The following CSNK2A2IP variants were observed in gnomAD, a reference collection of about 807,000 sequenced individuals.
The protein encoded by CSNK2A2IP is casein kinase II subunit alpha'-interacting protein.
chr3:88,351,042 C>T, the CSNK2A2IP span, among the ~76,000 whole-genome samples: 3 of 152,282 alleles, frequency 2.0e-5, no homozygotes, highest in Non-Finnish European at 4.4e-5. Context: ...GGATTCTCAT[C>T]TGAGGACTAA....
chr3:88,370,031 A>G, the CSNK2A2IP span, among the ~76,000 whole-genome samples: 1 of 151,898 alleles, frequency 6.6e-6, no homozygotes, highest in African/African-American at 2.4e-5. Flanking sequence ...CAGCTTCTTC[A>G]CACCATGGGG....
the CSNK2A2IP span, among the ~76,000 whole-genome samples, chr3:88,459,717 C>T: frequency 9.0e-4 from 137 of 152,144 alleles, no homozygotes; most frequent in African/African-American, 3.2e-3. Flanking sequence ...CATTAAGTAA[C>T]TAGTTTTTCT....
At chr3:88,380,628 T>A in the CSNK2A2IP span, among the ~76,000 whole-genome samples, 2 of 152,000 alleles carry the variant, frequency 1.3e-5, no homozygotes, top group Non-Finnish European at 2.9e-5. Context: ...ATTTAGACAT[T>A]AAGGCTATAG....
the CSNK2A2IP span, among the ~76,000 whole-genome samples, chr3:88,360,387 C>T: frequency 6.6e-6 from 1 of 152,160 alleles, no homozygotes; most frequent in African/African-American, 2.4e-5. Context: ...CCCGCCTCGG[C>T]CTCCCAAAGT....
the CSNK2A2IP span, among the ~76,000 whole-genome samples, chr3:88,378,389 GTA>G: frequency 6.6e-6 from 1 of 151,732 alleles, no homozygotes; most frequent in Non-Finnish European, 1.5e-5. Context: ...CAACTCAGTT[GTA>G]TATTGCTGTG....
At chr3:88,429,412 T>C in the CSNK2A2IP span, among the ~76,000 whole-genome samples, 1 of 152,290 alleles carries the variant, frequency 6.6e-6, no homozygotes, top group East Asian at 1.9e-4. Flanking sequence ...TGGGAGAGTT[T>C]CCCTTTTCCC....
the CSNK2A2IP span, among the ~76,000 whole-genome samples, chr3:88,433,679 G>A: frequency 6.6e-6 from 1 of 152,294 alleles, no homozygotes; most frequent in South Asian, 2.1e-4. Flanking sequence ...GAATAAAAGA[G>A]CCGTGGCTGC....
the CSNK2A2IP span, among the ~76,000 whole-genome samples, chr3:88,368,622 T>G: frequency 6.6e-6 from 1 of 152,042 alleles, no homozygotes; most frequent in Non-Finnish European, 1.5e-5. Context: ...TAGGTTTAAG[T>G]AATTAGGATA....
chr3:88,340,052 A>G, the CSNK2A2IP span, among the ~76,000 whole-genome samples: 1 of 151,990 alleles, frequency 6.6e-6, no homozygotes, highest in Non-Finnish European at 1.5e-5. Context: ...ATGACTTTAA[A>G]CTTCCTGGAT....
the CSNK2A2IP span, among the ~76,000 whole-genome samples, chr3:88,354,940 G>A: frequency 6.6e-6 from 1 of 152,086 alleles, no homozygotes; most frequent in Non-Finnish European, 1.5e-5. Flanking sequence ...ACTACATAAA[G>A]CAAAGTGTTC....
the CSNK2A2IP span, among the ~76,000 whole-genome samples, chr3:88,366,739 C>A: frequency 6.6e-6 from 1 of 152,026 alleles, no homozygotes; most frequent in African/African-American, 2.4e-5. Flanking sequence ...ACAAGGAAAT[C>A]TTTCTTAAAT....
the CSNK2A2IP span, among the ~76,000 whole-genome samples, chr3:88,377,252 C>T: frequency 6.6e-6 from 1 of 151,822 alleles, no homozygotes. Flanking sequence ...AACCCATCAT[C>T]ATTCTTCCCA....
At chr3:88,413,074 GTGAAAGT>G in the CSNK2A2IP span, among the ~76,000 whole-genome samples, 1 of 151,944 alleles carries the variant, frequency 6.6e-6, no homozygotes, top group Non-Finnish European at 1.5e-5. Context: ...ATTTTTTCCA[GTGAAAGT>G]TGAATTAGTA....
chr3:88,392,639 G>A, the CSNK2A2IP span, among the ~76,000 whole-genome samples: 842 of 152,272 alleles, frequency 5.5e-3, 5 homozygotes, highest in African/African-American at 0.02. Context: ...TTGAATTTTG[G>A]AGTGGGTAAG....
chr3:88,399,801 G>A, the CSNK2A2IP span: 1 of 152,190 alleles, frequency 6.6e-6, no homozygotes, highest in Non-Finnish European at 1.5e-5. Context: ...AACCTCATGT[G>A]TTTTCCAGTG....
At chr3:88,342,383 A>C in the CSNK2A2IP span, among the ~76,000 whole-genome samples, 1 of 151,942 alleles carries the variant, frequency 6.6e-6, no homozygotes, top group Non-Finnish European at 1.5e-5. Context: ...AGCTGTTTGA[A>C]CCATGTTCAA....
the CSNK2A2IP span, among the ~76,000 whole-genome samples, chr3:88,410,275 T>C: frequency 6.6e-6 from 1 of 152,046 alleles, no homozygotes; most frequent in Non-Finnish European, 1.5e-5. Context: ...TCCACATATT[T>C]CCAAAATTGG....
the CSNK2A2IP span, among the ~76,000 whole-genome samples, chr3:88,445,937 T>C: frequency 7.2e-4 from 100 of 138,850 alleles, 1 homozygote; most frequent in Non-Finnish European, 5.2e-4. Flanking sequence ...TTTCTTCCTT[T>C]CTTTCTTTCT....
the CSNK2A2IP span, among the ~76,000 whole-genome samples, chr3:88,452,318 A>T: frequency 6.6e-6 from 1 of 152,136 alleles, no homozygotes; most frequent in East Asian, 1.9e-4. Flanking sequence ...CGAAAAAATT[A>T]TACAGAAGCA....
Sources: gnomAD v4.1 joint callset for allele counts (sites outside exome capture counted in the v4.1 genomes callset) on GRCh38, gnomAD v4.1.1 for gene constraint, MANE v1.5 for transcripts, NCBI Gene and HGNC (gene_info 2026-07-23, HGNC 2026-07-21) for gene names.